IFFO2: variants seen among roughly 807,000 people sequenced by gnomAD.
The protein encoded by IFFO2 is intermediate filament family orphan 2.
IFFO2 carries 19 observed loss-of-function variants against 53.5 expected under a neutral mutation model. That is an observed-to-expected ratio of 0.36 (90% CI 0.25 to 0.52). IFFO2 has a LOEUF of 0.52. Among genes scored for constraint, IFFO2 ranks in the 20% least tolerant of loss-of-function variants. The pLI, the probability that IFFO2 is intolerant of heterozygous loss-of-function variation, is 0.94. For missense variants in IFFO2, 570 were observed against 727.4 expected (o/e 0.78, Z 2.49); for synonymous variants, 303 against 313.6 (o/e 0.97, Z 0.36).
At position 18,928,928 on chromosome 1, in the gene IFFO2, A is replaced by C. The variant is rs1936337256; in HGVS notation, c.666-7807T>G. Among the ~76,000 whole-genome samples the C allele has an allele frequency of 6.6e-6, 1 of 152,202 alleles. No individual in the cohort carries two copies. The highest frequency in any genetic ancestry group is 2.4e-5 in the African/African-American group (1 of 41,450). The stretch of plus-strand genomic sequence containing the variant: ...ATCCGGAGTTATCCTGGGTGCCATC[A>C]GGGCTCTGACAGCCTGCACTCAACA... On this transcript the variant is annotated intron_variant, in intron 1 of 8. Coordinates refer to ENST00000455833, the MANE Select transcript of IFFO2 (RefSeq NM_001136265.2). The surrounding 1 kb of genome is among the most constrained non-coding windows in gnomAD (Gnocchi z 4.9).
intron 8 of IFFO2, 146 bp downstream of exon 8, chr1:18,910,195 AT>A: frequency 1.0e-5 from 9 of 872,434 alleles, no homozygotes; most frequent in South Asian, 8.6e-5. Flanking sequence ...CACTGGATGG[AT>A]GGATGGATGG....
Position 18,908,172 on chromosome 1 carries a change from C to A in IFFO2, c.*389G>T. On this transcript the variant is annotated 3_prime_UTR_variant, in exon 9 of 9. Transcript: ENST00000455833. ...ACGGACGGCAGAAACCACATTACACCACGGCCGGTTGGCCCGGCCCTCAGC... is the reference window on the plus strand; with the variant it reads ...ACGGACGGCAGAAACCACATTACACAACGGCCGGTTGGCCCGGCCCTCAGC... The A allele has an allele frequency of 3.5e-5, 8 of 230,072 alleles. No individual in the cohort carries two copies. The highest frequency in any genetic ancestry group is 1.8e-4 in the South Asian group (3 of 16,880). The allele number at this position is 230,072 out of a possible 1,614,324, so 14.3% of individuals were successfully genotyped here.
intron 1 of IFFO2, among the ~76,000 whole-genome samples, chr1:18,949,866 G>A (rs765953848): frequency 3.9e-5 from 6 of 152,238 alleles, no homozygotes; most frequent in Admixed American, 1.3e-4. Flanking sequence ...ATCCGGTCTC[G>A]TTTGCCAAGG....
rs745695830 is a variant in IFFO2 at position 18,916,866 on chromosome 1, G to T, written c.1103+37C>A. On this transcript the variant is annotated intron_variant, in intron 5 of 8. Coordinates refer to ENST00000455833, the MANE Select transcript of IFFO2 (RefSeq NM_001136265.2). The surrounding 1 kb of genome is among the most constrained non-coding windows in gnomAD (Gnocchi z 4.3). ...TCACCGCCCCTGTGCAAGCAATCCG[G>T]GGAAACGGAGAGTGTGCGGGCCACG... 5.8e-6 allele frequency: 9 copies of T among 1,548,832 alleles called. No homozygotes were observed. In the African/African-American group the frequency reaches 1.1e-4, roughly 19 times the overall value.
rs1936136213 is a variant in IFFO2, at chr1:18,916,638, A to G, written c.1103+265T>C. Among the ~76,000 whole-genome samples, 1 of 152,146 alleles carries G rather than the reference A, an allele frequency of 6.6e-6. No individual in the cohort carries two copies. The highest frequency in any genetic ancestry group is 6.5e-5 in the Admixed American group (1 of 15,280). On this transcript the variant is annotated intron_variant, in intron 5 of 8. Coordinates refer to ENST00000455833, the MANE Select transcript of IFFO2 (RefSeq NM_001136265.2). The surrounding 1 kb of genome is among the most constrained non-coding windows in gnomAD (Gnocchi z 4.3). ...AAAAATTAGCTGGGCATGGTGGCAC[A>G]TGCCTGTGCTCCCAACTACTTGGGA...
At chr1:18,931,969 C>T (rs1008325459) in intron 1 of IFFO2, among the ~76,000 whole-genome samples, 20 of 152,240 alleles carry the variant, frequency 1.3e-4, no homozygotes, top group African/African-American at 4.3e-4. Context: ...ACTTATTTCT[C>T]AGCGCCAGAG....
In IFFO2 at chr1:18,928,794, A is replaced by C. The variant is rs546652896; in HGVS notation, c.666-7673T>G. ...CCTCAGTCTCCCCATCTATAATAGG[A>C]TCTCCCAAAATCCCTCGGGACATGA... On this transcript the variant is annotated intron_variant, in intron 1 of 8. Transcript: ENST00000455833. This position sits in a 1 kb window ranked among gnomAD's most constrained non-coding sequence, Gnocchi z 4.9. Among the ~76,000 whole-genome samples, 1 of 151,998 alleles carries C rather than the reference A, an allele frequency of 6.6e-6. No individual in the cohort carries two copies. The highest frequency in any genetic ancestry group is 1.5e-5 in the Non-Finnish European group (1 of 67,982).
chr1:18,920,178 G>A lies in IFFO2; in HGVS notation c.727-405C>T, dbSNP rs144531253. ...GGTGTGTGTCCACACAGACAAGATC[G>A]GAAGGTCACACGCCAGTTTTTCAAC... is the stretch of plus-strand genomic sequence containing the variant. On this transcript the variant is annotated intron_variant, in intron 2 of 8. Transcript: ENST00000455833. Among the ~76,000 whole-genome samples, 1,010 of 152,236 alleles carry A rather than the reference G, an allele frequency of 6.6e-3. 11 individuals are homozygous for A. Among genetic ancestry groups the A allele is most frequent in the African/African-American group, 0.023 (942 of 41,542 alleles).
intron 2 of IFFO2, among the ~76,000 whole-genome samples, chr1:18,920,446 G>T (rs899156619): frequency 6.6e-6 from 1 of 152,236 alleles, no homozygotes. Context: ...AACTTTTCAT[G>T]CCTTCTCATG....
rs376389134 is a variant in IFFO2, at chr1:18,947,556, G to A, written c.665+8112C>T. On this transcript the variant is annotated intron_variant, in intron 1 of 8. Coordinates refer to ENST00000455833, the MANE Select transcript of IFFO2 (RefSeq NM_001136265.2). This position sits in a 1 kb window ranked among gnomAD's most constrained non-coding sequence, Gnocchi z 5.0. ...AAGTTACTTCTCCTCTCTGAGCCTC[G>A]GTTTCCATCCTGCAGTGCCACCACC... Among the ~76,000 whole-genome samples the A allele has an allele frequency of 2.6e-5, 4 of 152,290 alleles. No homozygotes were observed. The highest frequency in any genetic ancestry group is 1.9e-4 in the East Asian group (1 of 5,182).
chr1:18,935,553 C>G (rs1250356220), intron 1 of IFFO2, among the ~76,000 whole-genome samples: 1 of 152,158 alleles, frequency 6.6e-6, no homozygotes, highest in Admixed American at 6.5e-5. Context: ...TTATAACCCC[C>G]TCCAGGAGGC....
At chr1:18,946,504 C>T (rs1557649995) in intron 1 of IFFO2, among the ~76,000 whole-genome samples, 4 of 150,726 alleles carry the variant, frequency 2.7e-5, no homozygotes, top group Non-Finnish European at 5.9e-5. Flanking sequence ...AACCTCCGCC[C>T]TCCAAGTTCA....
chr1:18,911,058 G>C (rs1378194580), intron 7 of IFFO2, among the ~76,000 whole-genome samples: 1 of 152,242 alleles, frequency 6.6e-6, no homozygotes, highest in East Asian at 1.9e-4. Context: ...ATAGGGCACA[G>C]GTAAGGATAC....
At position 18,936,847 on chromosome 1, in the gene IFFO2, A is replaced by G. The variant is rs74056695; in HGVS notation, c.666-15726T>C. ...TTGAAAGCAAGGCTCTGCGGCCTTA[A>G]GCCAAGTCACTTCTCTAGGGCTCAG... On this transcript the variant is annotated intron_variant, in intron 1 of 8. Transcript: ENST00000455833. The surrounding 1 kb of genome is among the most constrained non-coding windows in gnomAD (Gnocchi z 4.5). 0.037 allele frequency among the ~76,000 whole-genome samples: 5,591 copies of G among 152,228 alleles called. 359 individuals are homozygous for G. The highest frequency in any genetic ancestry group is 0.13 in the African/African-American group (5,279 of 41,524).
At position 18,951,737 on chromosome 1, in the gene IFFO2, C is replaced by T. The variant is rs188676325; in HGVS notation, c.665+3931G>A. 2.1e-3 allele frequency among the ~76,000 whole-genome samples: 322 copies of T among 152,304 alleles called. 1 individual carries two copies. The highest frequency in any genetic ancestry group is 3.2e-3 in the Non-Finnish European group (221 of 68,028). ...TTGGAGCCAATGAAGACAGGGGAAA[C>T]GGTTGAACCGGTTAAGCCTGGGGAT... On this transcript the variant is annotated intron_variant, in intron 1 of 8. Coordinates refer to ENST00000455833, the MANE Select transcript of IFFO2 (RefSeq NM_001136265.2).
rs960013313 is a variant in IFFO2 at position 18,918,660 on chromosome 1, G to A, written c.823-158C>T. 1.3e-5 allele frequency among the ~76,000 whole-genome samples: 2 copies of A among 151,842 alleles called. No homozygotes were observed. The highest frequency in any genetic ancestry group is 2.9e-5 in the Non-Finnish European group (2 of 67,932). On this transcript the variant is annotated intron_variant, in intron 3 of 8. Coordinates refer to ENST00000455833, the MANE Select transcript of IFFO2 (RefSeq NM_001136265.2). The surrounding 1 kb of genome is among the most constrained non-coding windows in gnomAD (Gnocchi z 5.2). Reference sequence around the variant, plus strand: ...GGGCTTTTCCGTGGAGTGGAGGGCTGCGGCGGCACTGGTCAGGGTGGGATG... The same window carrying A: ...GGGCTTTTCCGTGGAGTGGAGGGCTACGGCGGCACTGGTCAGGGTGGGATG...
Position 18,917,144 on chromosome 1 carries a change from G to A in IFFO2, c.964-102C>T, listed in dbSNP as rs140586986. 3.3e-5 allele frequency: 44 copies of A among 1,340,244 alleles called. No homozygotes were observed. The highest frequency in any genetic ancestry group is 2.5e-4 in the South Asian group (18 of 72,506). The allele number at this position is 1,340,244 out of a possible 1,614,324, so 83.0% of individuals were successfully genotyped here. A position where few individuals can be genotyped will look rare whatever the true frequency, so the allele number is the denominator to read the frequency against. On this transcript the variant is annotated intron_variant, in intron 4 of 8. Transcript: ENST00000455833. This position sits in a 1 kb window ranked among gnomAD's most constrained non-coding sequence, Gnocchi z 5.9. ...GCCGGCATCTCACAGGATGATGAGCGTGACTGGGGCCGGCCAGTGCCAGGA... is the reference window on the plus strand; with the variant it reads ...GCCGGCATCTCACAGGATGATGAGCATGACTGGGGCCGGCCAGTGCCAGGA...
intron 2 of IFFO2, among the ~76,000 whole-genome samples, chr1:18,920,539 G>A (rs1936202158): frequency 6.6e-6 from 1 of 152,222 alleles, no homozygotes; most frequent in Non-Finnish European, 1.5e-5. Flanking sequence ...TACACCGCAG[G>A]TGGGGGAGTT....
At chr1:18,926,826 G>T (rs1019988611) in intron 1 of IFFO2, among the ~76,000 whole-genome samples, 1 of 152,076 alleles carries the variant, frequency 6.6e-6, no homozygotes, top group African/African-American at 2.4e-5. Flanking sequence ...GTCACCAGCA[G>T]AGGGGCTGAC....
Sources: gnomAD v4.1 joint callset for allele counts (sites outside exome capture counted in the v4.1 genomes callset) on GRCh38, gnomAD v4.1.1 for gene constraint, Gnocchi (gnomAD v3.1) non-coding constraint, MANE v1.5 for transcripts, NCBI Gene and HGNC (gene_info 2026-07-23, HGNC 2026-07-21) for gene names.